The following SYT14 variants were observed in gnomAD, a reference collection of about 807,000 sequenced individuals.
SYT14 encodes synaptotagmin 14.
A neutral mutation model predicts 74.2 loss-of-function variants in SYT14; 32 were observed. The ratio of observed to expected loss-of-function variants is 0.43; its 90% CI spans 0.33 to 0.58. SYT14 has a LOEUF of 0.58. Among genes scored for constraint, SYT14 ranks in the 20% least tolerant of loss-of-function variants. The pLI is 0.05. For synonymous variants in SYT14, 298 were observed against 337.7 expected, an observed-to-expected ratio of 0.88 and a Z score of 1.29; for missense variants, 791 against 981.8, an observed-to-expected ratio of 0.81 and a Z score of 2.60.
chr1:210,127,357 T>C (rs1166821619), intron 7 of SYT14, among the ~76,000 whole-genome samples: 1 of 151,968 alleles, frequency 6.6e-6, no homozygotes, highest in Non-Finnish European at 1.5e-5. Flanking sequence ...GCGGGGGAGG[T>C]GACAGTGTAA....
chr1:210,139,272 T>C lies in SYT14; in HGVS notation c.2035-16449T>C, dbSNP rs199789897. Among the ~76,000 whole-genome samples, 416 of 129,838 alleles carry C rather than the reference T, an allele frequency of 3.2e-3. 2 individuals are homozygous for C. Among genetic ancestry groups the C allele is most frequent in the African/African-American group, 0.01 (397 of 39,062 alleles). The allele number at this position is 129,838 out of a possible 152,430, so 85.2% of individuals were successfully genotyped here. On this transcript the variant is annotated intron_variant, in intron 7 of 9. Coordinates refer to ENST00000637265, the Ensembl canonical transcript of SYT14. ...TGGCTAATTTTCTTTTTTCTTTTTT[T>C]TTTTTTTTTTTTTTTGATTTTTAGT...
intron 2 of SYT14, among the ~76,000 whole-genome samples, chr1:209,969,360 C>T (rs2079208246): frequency 6.6e-6 from 1 of 152,128 alleles, no homozygotes; most frequent in African/African-American, 2.4e-5. Flanking sequence ...ACATTACCAT[C>T]CACAGTGTAT....
At chr1:210,152,084 C>T (rs1322461165) in intron 7 of SYT14, among the ~76,000 whole-genome samples, 4 of 152,202 alleles carry the variant, frequency 2.6e-5, no homozygotes, top group Admixed American at 6.5e-5. Context: ...ATGTTTTTGA[C>T]ACTATTTTCA....
intron 5 of SYT14, among the ~76,000 whole-genome samples, chr1:210,037,800 T>C (rs566336766): frequency 6.6e-6 from 1 of 152,210 alleles, no homozygotes; most frequent in Non-Finnish European, 1.5e-5. Flanking sequence ...TCGAGGAAGA[T>C]ATTTGATATG....
At chr1:210,016,251 A>G in exon 4 of SYT14, 1 of 1,232,168 alleles carries the variant, frequency 8.1e-7, no homozygotes, top group Non-Finnish European at 1.0e-6. Context: ...GTCTCCAAAA[A>G]CACTAATTGT....
chr1:210,015,898 C>T (rs1572161601), exon 4 of SYT14: 19 of 1,227,082 alleles, frequency 1.5e-5, no homozygotes, highest in South Asian at 1.3e-4. Flanking sequence ...ATTGAGCTGA[C>T]GAATAGCAAC....
At chr1:210,096,479 G>A (rs1052783658) in intron 6 of SYT14, among the ~76,000 whole-genome samples, 1 of 152,148 alleles carries the variant, frequency 6.6e-6, no homozygotes, top group African/African-American at 2.4e-5. Context: ...AACACACCTG[G>A]GGATAAGCTG....
rs1454724275 is a variant in SYT14 at position 210,139,425 on chromosome 1, A to G, written c.2035-16296A>G. 8.5e-5 allele frequency among the ~76,000 whole-genome samples: 13 copies of G among 152,084 alleles called. No individual in the cohort carries two copies. The South Asian group carries it at 2.3e-3, about 27-fold the overall frequency. On this transcript the variant is annotated intron_variant, in intron 7 of 9. Transcript: ENST00000637265. ...TTTTTGAAAACCACTGGATTAAATT[A>G]TCTTTGAGATTCTTTCTAAGATTGT... is the stretch of plus-strand genomic sequence containing the variant.
chr1:210,087,860 T>G (rs1011655378), intron 5 of SYT14, among the ~76,000 whole-genome samples: 46 of 152,242 alleles, frequency 3.0e-4, no homozygotes, highest in African/African-American at 1.1e-3. Flanking sequence ...CCACCATCAG[T>G]GCAGCCCTCT....
intron 2 of SYT14, among the ~76,000 whole-genome samples, chr1:209,979,770 C>G (rs574674734): frequency 1.3e-5 from 2 of 152,174 alleles, no homozygotes; most frequent in Non-Finnish European, 2.9e-5. Flanking sequence ...CATGTCCCTA[C>G]AAAGGACATG....
At chr1:209,959,303 C>A in intron 2 of SYT14, among the ~76,000 whole-genome samples, 1 of 152,028 alleles carries the variant, frequency 6.6e-6, no homozygotes, top group East Asian at 1.9e-4. Context: ...CCACCACACC[C>A]AGCTAATTTT....
At chr1:210,143,496 A>G (rs770177393) in intron 7 of SYT14, among the ~76,000 whole-genome samples, 1 of 152,132 alleles carries the variant, frequency 6.6e-6, no homozygotes, top group Non-Finnish European at 1.5e-5. Flanking sequence ...CCGTTTGTTT[A>G]TATTTTAATA....
intron 7 of SYT14, among the ~76,000 whole-genome samples, chr1:210,133,204 A>G (rs2082713473): frequency 6.6e-6 from 1 of 152,240 alleles, no homozygotes; most frequent in African/African-American, 2.4e-5. Flanking sequence ...CTAGCAAAGC[A>G]TCTTAGCAGT....
intron 7 of SYT14, among the ~76,000 whole-genome samples, chr1:210,130,777 G>A (rs986357799): frequency 6.6e-6 from 1 of 152,054 alleles, no homozygotes; most frequent in Non-Finnish European, 1.5e-5. Context: ...TACTCTATGA[G>A]GATATATACA....
At chr1:210,167,359 C>T (rs182898415) in exon 10 of SYT14, 2 of 152,294 alleles carry the variant, frequency 1.3e-5, no homozygotes, top group East Asian at 3.9e-4. Flanking sequence ...CTGCTCTAAA[C>T]TCTAGTTCCT....
chr1:209,945,518 C>T (rs533194113), intron 1 of SYT14, among the ~76,000 whole-genome samples: 23 of 152,220 alleles, frequency 1.5e-4, no homozygotes, highest in African/African-American at 4.3e-4. Context: ...TAGGTGTCTG[C>T]ATAAGGATTA....
rs1367456816 is a variant in SYT14 at position 210,098,900 on chromosome 1, G to A, written c.1585-1112G>A. ...ATGTTAGTAGAGATTCACCATGTTG[G>A]CCAGGTTGGTCTCGAACTCCTGACC... On this transcript the variant is annotated intron_variant, in intron 6 of 9. Transcript: ENST00000637265. Among the ~76,000 whole-genome samples, 3 of 151,978 alleles carry A rather than the reference G, an allele frequency of 2.0e-5. 1 individual carries two copies. In the South Asian group the frequency reaches 6.2e-4, roughly 32 times the overall value.
chr1:209,951,230 C>G (rs1016501695), intron 1 of SYT14, among the ~76,000 whole-genome samples: 1 of 152,174 alleles, frequency 6.6e-6, no homozygotes, highest in Admixed American at 6.6e-5. Context: ...AACTCCTCAT[C>G]TATCTGAAAC....
chr1:209,938,283 T>G lies in SYT14; in HGVS notation c.-534+6T>G. 6.4e-7 allele frequency: 1 copy of G among 1,558,884 alleles called. No homozygotes were observed. Among genetic ancestry groups the G allele is most frequent in the Non-Finnish European group, 8.7e-7 (1 of 1,149,234 alleles). On this transcript the variant is annotated splice_donor_region_variant and intron_variant, in intron 1 of 9. Transcript: ENST00000637265. The stretch of plus-strand genomic sequence containing the variant: ...GCGCATCATGGCGATTGAAGGTAAG[T>G]GGAGGCTGACAGCGGGGAGCGAGGA...
Sources: allele counts gnomAD v4.1 joint callset (sites outside exome capture counted in the v4.1 genomes callset), GRCh38; gene constraint gnomAD v4.1.1; transcripts MANE v1.5; gene names NCBI Gene and HGNC (gene_info 2026-07-23, HGNC 2026-07-21).